AEN: variants seen among roughly 807,000 people sequenced by gnomAD.
The protein encoded by AEN is apoptosis enhancing nuclease.
Under a neutral mutation model 17.7 loss-of-function variants are expected in AEN, and 21 were observed. That is an observed-to-expected ratio of 1.19 (90% CI 0.84 to 1.71). The LOEUF (loss-of-function observed/expected upper bound fraction) is 1.71. Among genes scored for constraint, AEN ranks in the 40% most tolerant of loss-of-function variants. The probability of loss-of-function intolerance (pLI) is 0.00; values close to 1 mark genes in which losing one functional copy is unlikely to be tolerated. For missense variants in AEN, 462 were observed against 435.9 expected, an observed-to-expected ratio of 1.06 and a Z score of -0.53; for synonymous variants, 190 against 173.0, an observed-to-expected ratio of 1.10 and a Z score of -0.77.
Position 88,630,130 on chromosome 15 carries a change from C to A in AEN, c.814C>A (p.Gln272Lys). The change falls in exon 4 of 4, where the codon CAG becomes AAG. Residue 272 changes from glutamine to lysine, a missense_variant. By Grantham distance (53) the Gln-to-Lys change is moderately conservative. Transcript: ENST00000332810. This position sits in a 1 kb window ranked among gnomAD's most constrained non-coding sequence, Gnocchi z 5.1. ...GGAGCTCTACCGGCTGGTGGAGGTG[C>A]AGTGGGAACAGCAGGAGGCCCGCAG... ...AMELYRLVEV[Q>K]WEQQEARSLW... 1 of 1,613,706 alleles carries A rather than the reference C, an allele frequency of 6.2e-7. No individual in the cohort carries two copies. The highest frequency in any genetic ancestry group is 1.1e-5 in the South Asian group (1 of 91,080).
the AEN span, among the ~76,000 whole-genome samples, chr15:88,615,271 C>T: frequency 2.6e-5 from 4 of 152,088 alleles, no homozygotes; most frequent in African/African-American, 9.7e-5. Context: ...GAGCAAGGAA[C>T]GGCAGAGAAT....
At chr15:88,613,281 C>G in the AEN span, among the ~76,000 whole-genome samples, 1 of 152,194 alleles carries the variant, frequency 6.6e-6, no homozygotes, top group Non-Finnish European at 1.5e-5. Flanking sequence ...GCTCCCTATC[C>G]TACAAACTGG....
the AEN span, among the ~76,000 whole-genome samples, chr15:88,607,897 TAGACC>T: frequency 6.6e-6 from 1 of 152,198 alleles, no homozygotes; most frequent in Non-Finnish European, 1.5e-5. Context: ...AACTTCCCTT[TAGACC>T]AGACCAGACA....
At chr15:88,606,109 G>A in the AEN span, among the ~76,000 whole-genome samples, 2 of 152,330 alleles carry the variant, frequency 1.3e-5, no homozygotes, top group South Asian at 4.1e-4. Flanking sequence ...ATTGCAGGCG[G>A]TGAGCAAAGG....
At chr15:88,627,037 AG>A (rs1326959372) in intron 2 of AEN, 2 of 394,772 alleles carry the variant, frequency 5.1e-6, no homozygotes, top group Non-Finnish European at 9.3e-6. Context: ...CTGTTATAAA[AG>A]TTGTACGCAT....
At chr15:88,613,486 G>A in the AEN span, among the ~76,000 whole-genome samples, 1 of 152,094 alleles carries the variant, frequency 6.6e-6, no homozygotes, top group African/African-American at 2.4e-5. Flanking sequence ...TGGAGAACAG[G>A]AGAGGAGGGG....
intron 1 of AEN, among the ~76,000 whole-genome samples, chr15:88,623,475 C>T (rs778744365): frequency 9.2e-5 from 14 of 152,226 alleles, no homozygotes; most frequent in East Asian, 1.9e-4. Context: ...TCTTTCTACA[C>T]CCTTCTGAAG....
rs1420847694 is a variant in AEN, at chr15:88,630,070, G to A, written c.754G>A (p.Gly252Arg). 3.7e-6 allele frequency: 6 copies of A among 1,613,874 alleles called. No homozygotes were observed. In the Admixed American group the frequency reaches 5.0e-5, roughly 13 times the overall value. ...LHKKIQVGQH[G>R]HSSVEDATTA... Reference sequence around the variant, plus strand: ...CTCTCGTCAGTAGGTGGGCCAGCACGGGCACTCATCAGTAGAAGATGCCAC... The same window carrying A: ...CTCTCGTCAGTAGGTGGGCCAGCACAGGCACTCATCAGTAGAAGATGCCAC... Residue 252 changes from glycine to arginine, a missense_variant, in exon 4 of 4, where the codon GGG becomes AGG. Coordinates refer to ENST00000332810, the MANE Select transcript of AEN (RefSeq NM_022767.4). This position sits in a 1 kb window ranked among gnomAD's most constrained non-coding sequence, Gnocchi z 5.1.
Position 88,631,302 on chromosome 15 carries a change from G to GTGCCCCCGAACCTGGTCTGA in AEN, c.*1016_*1035dup. Reference sequence around the variant, plus strand: ...ACGCAGTGGCCCTGAACCTGGTCTGGTGCCCCCGAACCTGGTCTGATGCCC... The same window carrying GTGCCCCCGAACCTGGTCTGA: ...ACGCAGTGGCCCTGAACCTGGTCTGGTGCCCCCGAACCTGGTCTGATGCCCCCGAACCTGGTCTGATGCCC... On this transcript the variant is annotated 3_prime_UTR_variant, in exon 4 of 4. Transcript: ENST00000332810. 2.7e-6 allele frequency: 1 copy of GTGCCCCCGAACCTGGTCTGA among 374,322 alleles called. No homozygotes were observed. Among genetic ancestry groups the GTGCCCCCGAACCTGGTCTGA allele is most frequent in the South Asian group, 1.9e-5 (1 of 53,478 alleles). The allele number at this position is 374,322 out of a possible 1,614,324, so 23.2% of individuals were successfully genotyped here.
rs1326796922 is a variant in AEN at position 88,630,311 on chromosome 15, C to A, written c.*17C>A. The A allele has an allele frequency of 6.4e-7, 1 of 1,559,622 alleles. No homozygotes were observed. Among genetic ancestry groups the A allele is most frequent in the Admixed American group, 1.9e-5 (1 of 51,952 alleles). On this transcript the variant is annotated 3_prime_UTR_variant, in exon 4 of 4. Coordinates refer to ENST00000332810, the MANE Select transcript of AEN (RefSeq NM_022767.4). This position sits in a 1 kb window ranked among gnomAD's most constrained non-coding sequence, Gnocchi z 5.1. ...AGGAATTGAGAAGGGGGCGGGGCTCCCTGGCTGGGCTTCCGGTGTGGCCGG... is the reference window on the plus strand; with the variant it reads ...AGGAATTGAGAAGGGGGCGGGGCTCACTGGCTGGGCTTCCGGTGTGGCCGG...
the AEN span, among the ~76,000 whole-genome samples, chr15:88,614,024 G>A: frequency 6.6e-6 from 1 of 152,000 alleles, no homozygotes; most frequent in African/African-American, 2.4e-5. Context: ...ATTTAAATAT[G>A]TATCCTTCCC....
Position 88,626,478 on chromosome 15 carries a change from G to T in AEN, c.269G>T (p.Ser90Ile), listed in dbSNP as rs755801408. ...CAGTGTCTGAGGGCTGGATCTGGCA[G>T]TGCCCCATGCAGCAGAAGGCCTGCT... ...GKQCLRAGSG[S>I]APCSRRPAPG... The change falls in exon 2 of 4, where the codon AGT becomes ATT. Residue 90 changes from serine to isoleucine, a missense_variant. Coordinates refer to ENST00000332810, the MANE Select transcript of AEN (RefSeq NM_022767.4). 1 of 1,614,068 alleles carries T rather than the reference G, an allele frequency of 6.2e-7. No homozygotes were observed. Among genetic ancestry groups the T allele is most frequent in the East Asian group, 2.2e-5 (1 of 44,880 alleles).
chr15:88,607,035 G>C, the AEN span, among the ~76,000 whole-genome samples: 17 of 152,072 alleles, frequency 1.1e-4, no homozygotes, highest in Admixed American at 5.9e-4. Context: ...GTCTACTGTA[G>C]AGAGAAACTT....
At chr15:88,605,845 A>G in the AEN span, among the ~76,000 whole-genome samples, 1 of 152,326 alleles carries the variant, frequency 6.6e-6, no homozygotes, top group African/African-American at 2.4e-5. This position sits in a 1 kb window ranked among gnomAD's most constrained non-coding sequence, Gnocchi z 7.6. Flanking sequence ...CCCCGGCCCT[A>G]GGGTGCCCAT....
chr15:88,630,208 C>T lies in AEN; in HGVS notation c.892C>T (p.Gln298Ter). The change falls in exon 4 of 4, where the codon CAG (glutamine) becomes TAG (stop). Residue 298 changes from glutamine (Q) to a stop codon, truncating the protein, a stop_gained. Coordinates refer to ENST00000332810, the MANE Select transcript of AEN (RefSeq NM_022767.4). LOFTEE classifies it low-confidence loss of function (END_TRUNC). The surrounding 1 kb of genome is among the most constrained non-coding windows in gnomAD (Gnocchi z 5.1). The stretch of plus-strand genomic sequence containing the variant: ...ACCTGACAGCAGCACAGACATGGAA[C>T]AGTACATGGAGGACCAGTACTGGCC... ...REPDSSTDMEQYMEDQYWPDD... is the reference protein window; with the variant it reads ...REPDSSTDME 4 of 1,611,330 alleles carry T rather than the reference C, an allele frequency of 2.5e-6. No homozygotes were observed. The highest frequency in any genetic ancestry group is 3.4e-6 in the Non-Finnish European group (4 of 1,178,836).
chr15:88,607,812 A>G, the AEN span, among the ~76,000 whole-genome samples: 1 of 152,278 alleles, frequency 6.6e-6, no homozygotes, highest in South Asian at 2.1e-4. Flanking sequence ...TCGCTCGGTG[A>G]ACTGACTTGA....
chr15:88,620,248 T>A (rs995857828), upstream of AEN, among the ~76,000 whole-genome samples: 5 of 152,122 alleles, frequency 3.3e-5, no homozygotes, highest in Admixed American at 6.6e-5. Context: ...CTCCTTAATT[T>A]AAGTGTCAAT....
chr15:88,615,489 C>T, the AEN span, among the ~76,000 whole-genome samples: 1 of 152,144 alleles, frequency 6.6e-6, no homozygotes, highest in East Asian at 1.9e-4. Flanking sequence ...GAGCTGCGTG[C>T]ATAAAACAAG....
At chr15:88,611,685 G>T in the AEN span, 1 of 292,970 alleles carries the variant, frequency 3.4e-6, no homozygotes, top group Non-Finnish European at 6.9e-6. Flanking sequence ...TTTCTCCAGG[G>T]AATTCTGAGG....
Sources: gnomAD v4.1 joint callset for allele counts (sites outside exome capture counted in the v4.1 genomes callset) on GRCh38, gnomAD v4.1.1 for gene constraint, Gnocchi (gnomAD v3.1) non-coding constraint, MANE v1.5 for transcripts, NCBI Gene and HGNC (gene_info 2026-07-23, HGNC 2026-07-21) for gene names.